SLC39A11: variants seen among roughly 807,000 people sequenced by gnomAD.
The protein encoded by SLC39A11 is solute carrier family 39 member 11.
Under a neutral mutation model 36.1 loss-of-function variants are expected in SLC39A11, and 33 were observed. The observed-to-expected ratio is 0.91, with a 90% confidence interval of 0.69 to 1.22. The LOEUF is 1.22. Ranked by LOEUF, SLC39A11 falls within the 50% of genes most tolerant of loss-of-function variation. The probability of loss-of-function intolerance (pLI) is 0.00; values close to 1 mark genes in which losing one functional copy is unlikely to be tolerated. For missense variants in SLC39A11, 432 were observed against 430.3 expected (o/e 1.00, Z -0.03); for synonymous variants, 166 against 170.3 (o/e 0.97, Z 0.20).
chr17:72,804,780 T>TG (rs773313750), intron 6 of SLC39A11, among the ~76,000 whole-genome samples: 23 of 152,276 alleles, frequency 1.5e-4, no homozygotes, highest in African/African-American at 3.1e-4. Context: ...CCCAGTGCTC[T>TG]GGGAGGCCGA....
chr17:72,670,799 G>A (rs1039642245), intron 7 of SLC39A11, among the ~76,000 whole-genome samples: 6 of 152,164 alleles, frequency 3.9e-5, no homozygotes. Flanking sequence ...GGCATCCCAA[G>A]TATTTCTGGC....
intron 5 of SLC39A11, among the ~76,000 whole-genome samples, chr17:72,912,235 T>G (rs564531786): frequency 3.9e-5 from 6 of 151,986 alleles, no homozygotes; most frequent in Non-Finnish European, 7.4e-5. Flanking sequence ...TCCTATGATA[T>G]GGACCCTGCA....
intron 4 of SLC39A11, among the ~76,000 whole-genome samples, chr17:73,019,711 A>C (rs1015215766): frequency 6.6e-6 from 1 of 152,218 alleles, no homozygotes; most frequent in African/African-American, 2.4e-5. Flanking sequence ...CCAAAGAGCA[A>C]AATAAAATAG....
chr17:73,032,207 CT>C (rs72229478), intron 3 of SLC39A11, among the ~76,000 whole-genome samples: 15,607 of 142,766 alleles, frequency 0.11, 1,339 homozygotes, highest in African/African-American at 0.25. Flanking sequence ...AATTCCTATT[CT>C]TTTTTTTTTT....
At chr17:72,729,596 C>T (rs937263678) in intron 7 of SLC39A11, among the ~76,000 whole-genome samples, 1 of 148,236 alleles carries the variant, frequency 6.7e-6, no homozygotes, top group African/African-American at 2.5e-5. Context: ...CTGCAACCAG[C>T]CAATCCAATC....
intron 5 of SLC39A11, among the ~76,000 whole-genome samples, chr17:72,876,213 T>C (rs2080890786): frequency 6.6e-6 from 1 of 152,046 alleles, no homozygotes; most frequent in Non-Finnish European, 1.5e-5. Flanking sequence ...TCAAGATCAA[T>C]GGGTGGAAAC....
intron 6 of SLC39A11, among the ~76,000 whole-genome samples, chr17:72,740,504 G>A (rs1419886881): frequency 1.3e-5 from 2 of 152,154 alleles, no homozygotes; most frequent in African/African-American, 4.8e-5. Flanking sequence ...ACCCACAGCT[G>A]CAGACCTCAA....
chr17:72,864,577 C>G (rs149340120), intron 5 of SLC39A11, among the ~76,000 whole-genome samples: 2 of 152,244 alleles, frequency 1.3e-5, no homozygotes, highest in African/African-American at 2.4e-5. Flanking sequence ...ACATGGAAAA[C>G]GTGTCTTGGG....
In SLC39A11 at chr17:72,746,030, C is replaced by A. The variant is rs145363526; in HGVS notation, c.602-9311G>T. Among the ~76,000 whole-genome samples, 173 of 152,224 alleles carry A rather than the reference C, an allele frequency of 1.1e-3. 2 individuals are homozygous for A. Among genetic ancestry groups the A allele is most frequent in the Middle Eastern group, 6.8e-3 (2 of 294 alleles). On this transcript the variant is annotated intron_variant, in intron 6 of 9. Coordinates refer to ENST00000255559, the MANE Select transcript of SLC39A11 (RefSeq NM_139177.4). ...AGACGGATTTAGGCAAGAGGCAAAA[C>A]TATGCTTGAGAGAGGAGGGCTTTGA...
At chr17:72,912,470 C>G (rs914043437) in intron 5 of SLC39A11, among the ~76,000 whole-genome samples, 4 of 150,952 alleles carry the variant, frequency 2.6e-5, no homozygotes, top group African/African-American at 9.8e-5. Context: ...GGTCTTGAGC[C>G]GCTACCCAGG....
At chr17:72,711,345 C>T (rs545759002) in intron 7 of SLC39A11, among the ~76,000 whole-genome samples, 301 of 152,286 alleles carry the variant, frequency 2.0e-3, no homozygotes, top group African/African-American at 7.0e-3. Context: ...CGGACAGGTC[C>T]TTAAAGGGGG....
intron 6 of SLC39A11, among the ~76,000 whole-genome samples, chr17:72,827,528 G>T (rs1189370030): frequency 6.6e-6 from 1 of 152,142 alleles, no homozygotes; most frequent in Non-Finnish European, 1.5e-5. Context: ...GTTATTAAAA[G>T]AAAAAAGAAA....
rs112061548 is a variant in SLC39A11 at position 72,947,500 on chromosome 17, C to T, written c.430+252G>A. 1,354 of 541,850 alleles carry T rather than the reference C, an allele frequency of 2.5e-3. 11 individuals are homozygous for T. The highest frequency in any genetic ancestry group is 0.023 in the African/African-American group (1,212 of 53,012). The allele number at this position is 541,850 out of a possible 1,614,324, so 33.6% of individuals were successfully genotyped here. A position where few individuals can be genotyped will look rare whatever the true frequency, so the allele number is the denominator to read the frequency against. On this transcript the variant is annotated intron_variant, in intron 5 of 9. Transcript: ENST00000255559. ...GACCCCACTGTCCACCTGTCCAAGTCGAAAAGATGATCAAAAGGTACCGTT... is the reference window on the plus strand; with the variant it reads ...GACCCCACTGTCCACCTGTCCAAGTTGAAAAGATGATCAAAAGGTACCGTT...
At chr17:73,042,748 G>C (rs1241839400) in intron 3 of SLC39A11, among the ~76,000 whole-genome samples, 1 of 152,180 alleles carries the variant, frequency 6.6e-6, no homozygotes, top group Non-Finnish European at 1.5e-5. Flanking sequence ...GTTGCAGTGA[G>C]CCGAGAACAC....
chr17:72,912,141 T>C (rs2083043888), intron 5 of SLC39A11, among the ~76,000 whole-genome samples: 2 of 152,166 alleles, frequency 1.3e-5, no homozygotes, highest in Admixed American at 6.5e-5. Context: ...AGACCTGGGT[T>C]TAACCTCTGG....
intron 4 of SLC39A11, among the ~76,000 whole-genome samples, chr17:72,952,186 G>T (rs997713963): frequency 1.3e-5 from 2 of 152,140 alleles, no homozygotes; most frequent in African/African-American, 4.8e-5. Flanking sequence ...CAGCTCCTTC[G>T]CTATCTCCAT....
chr17:73,083,813 C>G (rs767394194), intron 3 of SLC39A11, among the ~76,000 whole-genome samples: 1 of 152,050 alleles, frequency 6.6e-6, no homozygotes, highest in South Asian at 2.1e-4. Flanking sequence ...TATAACAAAA[C>G]AATATTAGAT....
At chr17:72,990,778 A>G (rs190493580) in intron 4 of SLC39A11, among the ~76,000 whole-genome samples, 1 of 152,134 alleles carries the variant, frequency 6.6e-6, no homozygotes, top group African/African-American at 2.4e-5. Flanking sequence ...ACACATCTAC[A>G]CTAAAATCTT....
At chr17:72,703,666 T>C (rs138249302) in intron 7 of SLC39A11, among the ~76,000 whole-genome samples, 144 of 152,346 alleles carry the variant, frequency 9.5e-4, no homozygotes, top group Admixed American at 1.9e-3. Context: ...TGGAAAACTG[T>C]TAACATCCAT....
Sources: allele counts gnomAD v4.1 joint callset (sites outside exome capture counted in the v4.1 genomes callset), GRCh38; gene constraint gnomAD v4.1.1; transcripts MANE v1.5; gene names NCBI Gene and HGNC (gene_info 2026-07-23, HGNC 2026-07-21).